The following ZPBP variants were observed in gnomAD, a reference collection of about 807,000 sequenced individuals.
ZPBP encodes the protein zona pellucida-binding protein 1.
A neutral mutation model predicts 44.8 loss-of-function variants in ZPBP; 26 were observed. The ratio of observed to expected loss-of-function variants is 0.58; its 90% CI spans 0.43 to 0.81. The LOEUF (loss-of-function observed/expected upper bound fraction) is 0.81. ZPBP is among the 30% of genes least tolerant of loss of function. The pLI is 0.00. For synonymous variants in ZPBP, 174 were observed against 153.2 expected, an observed-to-expected ratio of 1.14 and a Z score of -1.00; for missense variants, 409 against 434.0, an observed-to-expected ratio of 0.94 and a Z score of 0.51.
intron 6 of ZPBP, among the ~76,000 whole-genome samples, chr7:49,990,544 A>C (rs1797517241): frequency 6.6e-6 from 1 of 151,970 alleles, no homozygotes; most frequent in Non-Finnish European, 1.5e-5. Flanking sequence ...TTTGGAATGC[A>C]CCCTGCAACC....
chr7:49,921,513 C>T (rs556767976), intron 1 of ZPBP: 11 of 152,304 alleles, frequency 7.2e-5, no homozygotes, highest in East Asian at 1.9e-4. Context: ...ATCAGGTACA[C>T]GTTACCTACC....
At chr7:49,877,481 A>AAAAAATATATATATATATATAT in intron 2 of ZPBP, among the ~76,000 whole-genome samples, 1 of 12,730 alleles carries the variant, frequency 7.9e-5, no homozygotes, top group Non-Finnish European at 1.4e-4. Context: ...AAAAAAAAAA[A>AAAAAATATATATATATATATAT]ATATATATAT....
chr7:50,058,287 T>A (rs1347420312), intron 3 of ZPBP, 146 bp from the exon 4 acceptor site: 3 of 823,016 alleles, frequency 3.6e-6, no homozygotes, highest in Non-Finnish European at 6.0e-6. Context: ...ACATCTGGTA[T>A]CTGCTAACAG....
chr7:49,855,626 G>A (rs1790385478), intron 2 of ZPBP, among the ~76,000 whole-genome samples: 1 of 152,220 alleles, frequency 6.6e-6, no homozygotes, highest in Non-Finnish European at 1.5e-5. Context: ...CTTGATCTGT[G>A]CTGCAGGAGA....
chr7:50,067,532 A>G (rs1352612236), intron 3 of ZPBP, among the ~76,000 whole-genome samples: 1 of 152,202 alleles, frequency 6.6e-6, no homozygotes, highest in African/African-American at 2.4e-5. Flanking sequence ...TCACCACTGT[A>G]TACCTAGCTC....
At chr7:49,958,165 G>C (rs1795691950) in intron 7 of ZPBP, among the ~76,000 whole-genome samples, 1 of 152,164 alleles carries the variant, frequency 6.6e-6, no homozygotes, top group Non-Finnish European at 1.5e-5. Context: ...CAGGGTCACA[G>C]CTGGAGGGAA....
At chr7:49,979,183 C>T (rs1325489668) in intron 7 of ZPBP, among the ~76,000 whole-genome samples, 1 of 151,752 alleles carries the variant, frequency 6.6e-6, no homozygotes, top group African/African-American at 2.4e-5. Context: ...AAGTAACTTC[C>T]TCAAGACTCA....
At chr7:50,030,646 T>C (rs1415496627) in intron 5 of ZPBP, among the ~76,000 whole-genome samples, 2 of 150,676 alleles carry the variant, frequency 1.3e-5, no homozygotes, top group Non-Finnish European at 2.9e-5. Flanking sequence ...CCATTATAAA[T>C]ATAAAGATAA....
intron 2 of ZPBP, among the ~76,000 whole-genome samples, chr7:49,858,741 C>T (rs936855465): frequency 1.3e-5 from 2 of 152,032 alleles, no homozygotes; most frequent in African/African-American, 4.8e-5. Flanking sequence ...AGAAAGAGAA[C>T]ACAATGCAAG....
chr7:50,039,985 G>A (rs1040388639), intron 4 of ZPBP, among the ~76,000 whole-genome samples: 1 of 151,864 alleles, frequency 6.6e-6, no homozygotes, highest in Non-Finnish European at 1.5e-5. Context: ...TAAAGAACTG[G>A]AAATAAACAG....
At chr7:49,971,180 T>C (rs10232742) in intron 7 of ZPBP, among the ~76,000 whole-genome samples, 1 of 152,004 alleles carries the variant, frequency 6.6e-6, no homozygotes, top group Non-Finnish European at 1.5e-5. Flanking sequence ...GAAACACATA[T>C]ATGAAACATG....
At chr7:49,981,619 AT>A (rs1562820252) in intron 7 of ZPBP, among the ~76,000 whole-genome samples, 742 of 43,876 alleles carry the variant, frequency 0.017, 57 homozygotes, top group African/African-American at 0.05. Flanking sequence ...TAATTATATT[AT>A]ATTATATTAT....
chr7:49,953,486 G>T (rs932541330), intron 7 of ZPBP, among the ~76,000 whole-genome samples: 2 of 152,168 alleles, frequency 1.3e-5, no homozygotes, highest in Admixed American at 1.3e-4. Context: ...GAAGGTAGTA[G>T]GAAACAATTA....
intron 2 of ZPBP, among the ~76,000 whole-genome samples, chr7:49,882,299 C>G (rs989099133): frequency 2.0e-5 from 3 of 152,036 alleles, no homozygotes; most frequent in African/African-American, 7.2e-5. Flanking sequence ...TTCTGCTAAG[C>G]CTTCCTCACT....
chr7:50,011,193 CACCTT>C (rs1798561929), intron 6 of ZPBP, among the ~76,000 whole-genome samples: 1 of 152,144 alleles, frequency 6.6e-6, no homozygotes, highest in African/African-American at 2.4e-5. Flanking sequence ...CCTCATCTCT[CACCTT>C]ATACAAAAAT....
At chr7:50,093,010 A>C (rs543298458) in intron 1 of ZPBP, 58 bp downstream of exon 1, 41 of 1,564,076 alleles carry the variant, frequency 2.6e-5, no homozygotes, top group Non-Finnish European at 3.5e-5. Flanking sequence ...GGCAATTCGA[A>C]GAGTGGGGGA....
rs964686563 is a variant in ZPBP at position 49,918,459 on chromosome 7, C to G, written n.412-17244G>C. The stretch of plus-strand genomic sequence containing the variant: ...CTTGTCAAAGTAAATAGTAGCTCGT[C>G]ACAAAAATGTTGTAGCCTCCCTAGT... On this transcript the variant is annotated intron_variant and non_coding_transcript_variant, in intron 1 of 2. Coordinates refer to the ZPBP transcript ENST00000465922. The G allele has an allele frequency of 3.3e-5, 5 of 152,310 alleles. No individual in the cohort carries two copies. The East Asian group carries it at 7.7e-4, about 23-fold the overall frequency. 9.4% of individuals were successfully genotyped at this position (152,310 alleles called of 1,614,324 possible). A position where few individuals can be genotyped will look rare whatever the true frequency, so the allele number is the denominator to read the frequency against.
chr7:49,882,249 A>G (rs1189397429), intron 2 of ZPBP, among the ~76,000 whole-genome samples: 1 of 152,166 alleles, frequency 6.6e-6, no homozygotes, highest in African/African-American at 2.4e-5. Flanking sequence ...AGAGTTTTCA[A>G]TTAGGAGGAG....
At chr7:50,049,662 T>A (rs1800585729) in intron 4 of ZPBP, among the ~76,000 whole-genome samples, 1 of 152,004 alleles carries the variant, frequency 6.6e-6, no homozygotes, top group Admixed American at 6.6e-5. Flanking sequence ...GGGAATTTCT[T>A]CCATCTGATA....
Sources: gnomAD v4.1 joint callset for allele counts (sites outside exome capture counted in the v4.1 genomes callset) on GRCh38, gnomAD v4.1.1 for gene constraint, MANE v1.5 for transcripts, NCBI Gene and HGNC (gene_info 2026-07-23, HGNC 2026-07-21) for gene names.